Variants in LTBP1 observed in about 807,000 individuals in gnomAD.
LTBP1 encodes latent transforming growth factor beta binding protein 1.
Under a neutral mutation model 207.6 loss-of-function variants are expected in LTBP1, and 129 were observed. The ratio of observed to expected loss-of-function variants is 0.62; its 90% CI spans 0.54 to 0.72. LTBP1 has a LOEUF of 0.72. Ranked by LOEUF, LTBP1 falls within the 30% of genes least tolerant of loss-of-function variation. The pLI is 0.00. For synonymous variants in LTBP1, 963 were observed against 833.7 expected, an observed-to-expected ratio of 1.16 and a Z score of -2.67; for missense variants, 2,281 against 2,217.2, an observed-to-expected ratio of 1.03 and a Z score of -0.58.
At chr2:33,328,135 CAATAAATA>C (rs535099037) in intron 24 of LTBP1, among the ~76,000 whole-genome samples, 26 of 134,130 alleles carry the variant, frequency 1.9e-4, no homozygotes, top group Admixed American at 5.9e-4. Flanking sequence ...GACTCTGTCT[CAATAAATA>C]AATAAATAAA....
Position 33,034,197 on chromosome 2 carries a change from G to A in LTBP1, c.863+12991G>A, listed in dbSNP as rs2075814689. ...GATACGCAAATCTACAGAGTTAGAA[G>A]AAAGAGACGAGACTTGAAGGATTGT... On this transcript the variant is annotated intron_variant, in intron 3 of 33. Transcript: ENST00000404816. Among the ~76,000 whole-genome samples the A allele has an allele frequency of 5.5e-5, 8 of 146,312 alleles. No homozygotes were observed. The South Asian group carries it at 1.5e-3, about 28-fold the overall frequency.
intron 3 of LTBP1, chr2:33,056,236 T>C (rs2076993443): frequency 1.3e-5 from 5 of 387,564 alleles, no homozygotes; most frequent in South Asian, 9.7e-5. Context: ...TTGGTCCCAA[T>C]AGCTTAGGAT....
chr2:33,201,475 T>A (rs929672617), intron 7 of LTBP1, among the ~76,000 whole-genome samples: 1 of 147,510 alleles, frequency 6.8e-6, no homozygotes, highest in Non-Finnish European at 1.5e-5. Context: ...CTGGGGACTG[T>A]TGTGGGGTGG....
chr2:33,098,154 A>G (rs967245728), intron 3 of LTBP1, among the ~76,000 whole-genome samples: 3 of 152,200 alleles, frequency 2.0e-5, no homozygotes, highest in Admixed American at 2.0e-4. Flanking sequence ...TAGCAAGGTG[A>G]GTGCAAATGT....
At chr2:33,145,689 C>T (rs2082968065) in intron 5 of LTBP1, among the ~76,000 whole-genome samples, 1 of 152,114 alleles carries the variant, frequency 6.6e-6, no homozygotes. Context: ...TTAGAAACAT[C>T]TGAGAATCCC....
intron 4 of LTBP1, among the ~76,000 whole-genome samples, chr2:33,114,862 T>C (rs1324456157): frequency 6.6e-5 from 10 of 151,914 alleles, no homozygotes; most frequent in Non-Finnish European, 1.5e-4. Flanking sequence ...AAATATAGAG[T>C]TATCATATAA....
Position 33,300,539 on chromosome 2 carries a change from G to C in LTBP1, c.3324G>C (p.Gly1108=). ...CCTTCAGGTGCACCTGTGGACAGGGGTACCAGCTGTCGGCAGCTAAAGACC... is the reference window on the plus strand; with the variant it reads ...CCTTCAGGTGCACCTGTGGACAGGGCTACCAGCTGTCGGCAGCTAAAGACC... ...EGSFRCTCGQ[G]YQLSAAKDQC... The change falls in exon 21 of 34, where the codon GGG becomes GGC. Residue 1108 remains glycine, a synonymous_variant. Coordinates refer to ENST00000404816, the MANE Select transcript of LTBP1 (RefSeq NM_206943.4). 1 of 1,613,580 alleles carries C rather than the reference G, an allele frequency of 6.2e-7. No individual in the cohort carries two copies.
chr2:33,024,237 A>G (rs1014387394), intron 3 of LTBP1, among the ~76,000 whole-genome samples: 21 of 152,256 alleles, frequency 1.4e-4, no homozygotes, highest in East Asian at 5.8e-4. Flanking sequence ...TAAAATACAC[A>G]TTAGATATTC....
chr2:33,171,844 G>A (rs1350391625), intron 5 of LTBP1, among the ~76,000 whole-genome samples: 1 of 152,104 alleles, frequency 6.6e-6, no homozygotes, highest in Non-Finnish European at 1.5e-5. Flanking sequence ...GAGAGTGGGG[G>A]CCAATATTCA....
At chr2:33,193,922 C>A (rs1259867417) in intron 7 of LTBP1, among the ~76,000 whole-genome samples, 1 of 152,168 alleles carries the variant, frequency 6.6e-6, no homozygotes, top group African/African-American at 2.4e-5. Flanking sequence ...TTGATAATAA[C>A]ACAATGGCCT....
intron 2 of LTBP1, among the ~76,000 whole-genome samples, chr2:33,004,399 A>G (rs1309945279): frequency 1.3e-5 from 2 of 152,134 alleles, no homozygotes; most frequent in Non-Finnish European, 2.9e-5. Context: ...TTATATGGGC[A>G]TGGCGATTTT....
At chr2:33,307,126 C>T (rs1161940214) in intron 22 of LTBP1, among the ~76,000 whole-genome samples, 1 of 152,110 alleles carries the variant, frequency 6.6e-6, no homozygotes, top group Non-Finnish European at 1.5e-5. Context: ...ACTTTACACC[C>T]ATTAAAATAG....
At position 32,947,576 on chromosome 2, in the gene LTBP1, C is replaced by T. The variant is rs1676374478; in HGVS notation, c.252C>T (p.Thr84=). ...CCCCCGGGGTCCCCTCGGAGAGGAC[C>T]CGGCGCACGAGCAAGCCGGGCGGCG... ...RASPGVPSER[T]RRTSKPGGAA... Residue 84 remains threonine, a synonymous_variant, in exon 1 of 34, where the codon ACC becomes ACT. Coordinates refer to ENST00000404816, the MANE Select transcript of LTBP1 (RefSeq NM_206943.4). 1.5e-6 allele frequency: 2 copies of T among 1,327,816 alleles called. No homozygotes were observed. Among genetic ancestry groups the T allele is most frequent in the Non-Finnish European group, 1.9e-6 (2 of 1,043,098 alleles). The allele number at this position is 1,327,816 out of a possible 1,614,324, so 82.3% of individuals were successfully genotyped here. A position where few individuals can be genotyped will look rare whatever the true frequency, so the allele number is the denominator to read the frequency against.
chr2:33,005,643 G>C (rs1173204617), intron 2 of LTBP1, among the ~76,000 whole-genome samples: 1 of 143,786 alleles, frequency 7.0e-6, no homozygotes, highest in African/African-American at 2.6e-5. Context: ...CTGGAGTGCT[G>C]TGGCACAATC....
chr2:33,049,243 A>T (rs1004357450), intron 3 of LTBP1, among the ~76,000 whole-genome samples: 1 of 152,256 alleles, frequency 6.6e-6, no homozygotes, highest in African/African-American at 2.4e-5. Flanking sequence ...TTAAAACCCA[A>T]TAAAAATTTG....
At chr2:32,978,598 TG>T (rs1158535674) in intron 2 of LTBP1, among the ~76,000 whole-genome samples, 1 of 152,102 alleles carries the variant, frequency 6.6e-6, no homozygotes, top group African/African-American at 2.4e-5. Context: ...GAATTTGGTT[TG>T]TTAGTATTTT....
rs2077898226 is a variant in LTBP1 at position 33,073,292 on chromosome 2, G to GT, written c.864-37283dup. 1.2e-4 allele frequency among the ~76,000 whole-genome samples: 17 copies of GT among 140,444 alleles called. No individual in the cohort carries two copies. The East Asian group carries it at 1.6e-3, about 14-fold the overall frequency. The allele number at this position is 140,444 out of a possible 152,430, so 92.1% of individuals were successfully genotyped here. On this transcript the variant is annotated intron_variant, in intron 3 of 33. Transcript: ENST00000404816. Reference sequence around the variant, plus strand: ...ATGTCACAGTGTTTTTTTTGTTTTTGTTTTTTTATTTTACCATGTACATAT... The same window carrying GT: ...ATGTCACAGTGTTTTTTTTGTTTTTGTTTTTTTTATTTTACCATGTACATAT...
chr2:33,005,127 G>A (rs1395739491), intron 2 of LTBP1, among the ~76,000 whole-genome samples: 1 of 152,134 alleles, frequency 6.6e-6, no homozygotes, highest in African/African-American at 2.4e-5. Flanking sequence ...CTGGAATGAA[G>A]TGAAGTGACT....
intron 3 of LTBP1, among the ~76,000 whole-genome samples, chr2:33,049,099 T>G (rs1220837907): frequency 6.6e-6 from 1 of 152,214 alleles, no homozygotes; most frequent in Non-Finnish European, 1.5e-5. Context: ...AGAGAGCACT[T>G]GTAAAATAAA....
Sources: gnomAD v4.1 joint callset for allele counts (sites outside exome capture counted in the v4.1 genomes callset) on GRCh38, gnomAD v4.1.1 for gene constraint, MANE v1.5 for transcripts, NCBI Gene and HGNC (gene_info 2026-07-23, HGNC 2026-07-21) for gene names.